AHR: variants seen among roughly 807,000 people sequenced by gnomAD.
AHR encodes aryl hydrocarbon receptor.
AHR carries 40 observed loss-of-function variants against 86.8 expected under a neutral mutation model. That is an observed-to-expected ratio of 0.46 (90% CI 0.36 to 0.60). The LOEUF (loss-of-function observed/expected upper bound fraction) is 0.60, where lower values mean the gene tolerates loss of function less well. Ranked by LOEUF, AHR falls within the 20% of genes least tolerant of loss-of-function variation. The probability of loss-of-function intolerance (pLI) is 0.00; values close to 1 mark genes in which losing one functional copy is unlikely to be tolerated. For synonymous variants in AHR, 398 were observed against 354.9 expected (o/e 1.12, Z -1.37); for missense variants, 1,001 against 1,011.6 (o/e 0.99, Z 0.14).
rs1021777751 is a variant in AHR, at chr7:17,346,121, AATAT to A, written c.*3061_*3064del. 3 of 152,472 alleles carry A rather than the reference AATAT, an allele frequency of 2.0e-5. No individual in the cohort carries two copies. Among genetic ancestry groups the A allele is most frequent in the African/African-American group, 7.2e-5 (3 of 41,446 alleles). The allele number at this position is 152,472 out of a possible 1,614,324, so 9.4% of individuals were successfully genotyped here. ...CCTCATTATCAAAGTTGTATACAATAATATATAATAAAATAACAAATATGAATAA... is the reference window on the plus strand; with the variant it reads ...CCTCATTATCAAAGTTGTATACAATAATAATAAAATAACAAATATGAATAA... On this transcript the variant is annotated 3_prime_UTR_variant, in exon 11 of 11. Coordinates refer to ENST00000242057, the MANE Select transcript of AHR (RefSeq NM_001621.5).
intron 3 of AHR, among the ~76,000 whole-genome samples, chr7:17,327,444 T>C (rs1191874992): frequency 2.6e-5 from 4 of 151,956 alleles, no homozygotes; most frequent in Admixed American, 6.6e-5. Context: ...CTATAGTGAA[T>C]GATGTCTAGT....
At position 17,330,811 on chromosome 7, in the gene AHR, A is replaced by G. The variant is rs1782280645; in HGVS notation, c.630A>G (p.Pro210=). ...GTTATAACCCAGACCAGATTCCTCC[A>G]GAAAACTCTCCTTTAATGGAGAGGT... ...VVCYNPDQIP[P]ENSPLMERCF... is the part of the protein sequence containing the mutation. The change falls in exon 6 of 11, where the codon CCA becomes CCG. Residue 210 remains proline (P), a synonymous_variant. Coordinates refer to ENST00000242057, the MANE Select transcript of AHR (RefSeq NM_001621.5). The G allele has an allele frequency of 6.2e-7, 1 of 1,612,480 alleles. No individual in the cohort carries two copies. Among genetic ancestry groups the G allele is most frequent in the Non-Finnish European group, 8.5e-7 (1 of 1,178,842 alleles).
chr7:17,331,695 T>C (rs1394313756), intron 6 of AHR, among the ~76,000 whole-genome samples: 1 of 151,972 alleles, frequency 6.6e-6, no homozygotes, highest in African/African-American at 2.4e-5. Flanking sequence ...TGCTGTTTTC[T>C]TGTTACAAAG....
intron 4 of AHR, 89 bp from the exon 5 acceptor site, chr7:17,329,863 A>G (rs772838987): frequency 6.0e-6 from 7 of 1,170,952 alleles, no homozygotes; most frequent in Non-Finnish European, 8.3e-6. Context: ...ACTAGCAAGC[A>G]CCCACTAATC....
rs1298270087 is a variant in AHR at position 17,339,012 on chromosome 7, G to A, written c.1187G>A (p.Arg396Gln). 3 of 1,613,660 alleles carry A rather than the reference G, an allele frequency of 1.9e-6. No individual in the cohort carries two copies. Among genetic ancestry groups the A allele is most frequent in the East Asian group, 2.2e-5 (1 of 44,864 alleles). The change falls in exon 10 of 11, where the codon CGA becomes CAA. Residue 396 changes from arginine (R) to glutamine (Q), a missense_variant. Arg to Gln is a conservative substitution (Grantham distance 43, BLOSUM62 1). Coordinates refer to ENST00000242057, the MANE Select transcript of AHR (RefSeq NM_001621.5). ...LTDEEGTEHL[R>Q]KRNTKLPFMF... ...GATGAGGAAGGAACAGAGCATTTAC[G>A]AAAACGAAATACGAAGTTGCCTTTT... is the stretch of plus-strand genomic sequence containing the variant.
At position 17,343,284 on chromosome 7, in the gene AHR, G is replaced by A. The variant is rs187812144; in HGVS notation, c.*220G>A. The A allele has an allele frequency of 1.2e-4, 70 of 564,586 alleles. No homozygotes were observed. The highest frequency in any genetic ancestry group is 1.8e-4 in the Non-Finnish European group (59 of 327,208). The allele number at this position is 564,586 out of a possible 1,614,324, so 35.0% of individuals were successfully genotyped here. On this transcript the variant is annotated 3_prime_UTR_variant, in exon 11 of 11. Coordinates refer to ENST00000242057, the MANE Select transcript of AHR (RefSeq NM_001621.5). Reference sequence around the variant, plus strand: ...ATACTACAGTCAAGATAGAAAGGGTGCTGCCACGGAGTGGTGAGGTACCGT... The same window carrying A: ...ATACTACAGTCAAGATAGAAAGGGTACTGCCACGGAGTGGTGAGGTACCGT...
chr7:17,339,548 A>G lies in AHR; in HGVS notation c.1723A>G (p.Ile575Val). Residue 575 changes from isoleucine to valine, a missense_variant, in exon 10 of 11, where the codon ATT becomes GTT. Around this residue, in one of 2 missense-constraint regions of AHR, gnomAD observed 607 missense variants for 543.1 expected, o/e 1.12. Transcript: ENST00000242057. ...DFSGEVDFRD[I>V]DLTDEILTYV... is the part of the protein sequence containing the mutation. Reference sequence around the variant, plus strand: ...TTCTGGTGAGGTTGACTTCAGAGACATTGACTTAACGGATGAAATCCTGAC... The same window carrying G: ...TTCTGGTGAGGTTGACTTCAGAGACGTTGACTTAACGGATGAAATCCTGAC... The G allele has an allele frequency of 1.9e-6, 3 of 1,614,220 alleles. No homozygotes were observed. The highest frequency in any genetic ancestry group is 1.1e-5 in the South Asian group (1 of 91,092).
At chr7:17,334,254 CT>C in intron 7 of AHR, 140 bp downstream of exon 7, 2 of 732,512 alleles carry the variant, frequency 2.7e-6, no homozygotes, top group Non-Finnish European at 4.3e-6. Context: ...CCAGTGTAGC[CT>C]TTTACAGTAA....
chr7:17,327,801 G>C lies in AHR; in HGVS notation c.403G>C (p.Val135Leu). 6.3e-7 allele frequency: 1 copy of C among 1,578,258 alleles called. No homozygotes were observed. The highest frequency in any genetic ancestry group is 1.2e-5 in the South Asian group (1 of 85,244). Residue 135 changes from valine to leucine, a missense_variant, in exon 4 of 11, where the codon GTC (valine) becomes CTC (leucine). Transcript: ENST00000242057. ...ATTAGTTGTCACTACAGATGCTTTG[G>C]TCTTTTATGCTTCTTCTACTATACA... is the stretch of plus-strand genomic sequence containing the variant. ...FVLVVTTDAL[V>L]FYASSTIQDY...
chr7:17,309,797 G>A (rs1782043280), intron 1 of AHR, 139 bp from the exon 2 acceptor site: 1 of 681,936 alleles, frequency 1.5e-6, no homozygotes, highest in South Asian at 3.7e-5. Context: ...GAAGATTTTA[G>A]AAAGACTTAC....
Position 17,299,081 on chromosome 7 carries a change from A to T in AHR, c.-184A>T, listed in dbSNP as rs1020191170. On this transcript the variant is annotated 5_prime_UTR_variant, in exon 1 of 11. Transcript: ENST00000242057. ...TCACCTGTACTGGCGCGGGCTGCGG[A>T]AGCCTGCGTGAGCCGAGGCGTTGAG... 3.4e-6 allele frequency: 2 copies of T among 590,688 alleles called. No homozygotes were observed. The highest frequency in any genetic ancestry group is 5.5e-6 in the Non-Finnish European group (2 of 363,236). The allele number at this position is 590,688 out of a possible 1,614,324, so 36.6% of individuals were successfully genotyped here. A position where few individuals can be genotyped will look rare whatever the true frequency, so the allele number is the denominator to read the frequency against.
At position 17,335,744 on chromosome 7, in the gene AHR, A is replaced by C. The variant is rs374246059; in HGVS notation, c.1118A>C (p.Asn373Thr). The change falls in exon 9 of 11, where the codon AAT becomes ACT. Residue 373 changes from asparagine to threonine, a missense_variant. Asn to Thr is a moderately conservative substitution (Grantham distance 65, BLOSUM62 0). Around this residue, in one of 2 missense-constraint regions of AHR, gnomAD observed 394 missense variants for 468.5 expected, o/e 0.84. Coordinates refer to ENST00000242057, the MANE Select transcript of AHR (RefSeq NM_001621.5). Reference protein sequence around the residue: ...VQSNARLLYKNGRPDYIIVTQ... With the variant: ...VQSNARLLYKTGRPDYIIVTQ... ...TCTAATGCACGCCTGCTTTATAAAAATGGAAGACCAGATTATATCATTGTA... is the reference window on the plus strand; with the variant it reads ...TCTAATGCACGCCTGCTTTATAAAACTGGAAGACCAGATTATATCATTGTA... 19 of 1,613,128 alleles carry C rather than the reference A, an allele frequency of 1.2e-5. No homozygotes were observed. The highest frequency in any genetic ancestry group is 1.6e-5 in the Non-Finnish European group (19 of 1,179,514).
At chr7:17,321,594 T>TACACACACACACACACAC (rs71309046) in intron 2 of AHR, among the ~76,000 whole-genome samples, 9 of 147,730 alleles carry the variant, frequency 6.1e-5, no homozygotes, top group African/African-American at 1.2e-4. Flanking sequence ...ACCACACACA[T>TACACACACACACACACAC]ACACACACAC....
At chr7:17,330,119 T>C (rs568069318) in intron 5 of AHR, 44 bp downstream of exon 5, 2 of 1,579,980 alleles carry the variant, frequency 1.3e-6, no homozygotes, top group East Asian at 2.2e-5. Flanking sequence ...AGTTTTTAAA[T>C]ATGAGTCTGT....
At chr7:17,305,901 A>G (rs1345572413) in intron 1 of AHR, among the ~76,000 whole-genome samples, 1 of 152,176 alleles carries the variant, frequency 6.6e-6, no homozygotes, top group Non-Finnish European at 1.5e-5. Context: ...CATTGGGCAT[A>G]CTGTTGGGCC....
In AHR at chr7:17,299,215, G is replaced by C; in HGVS notation, c.-50G>C. The C allele has an allele frequency of 1.3e-6, 2 of 1,592,650 alleles. No individual in the cohort carries two copies. Among genetic ancestry groups the C allele is most frequent in the Non-Finnish European group, 8.5e-7 (1 of 1,171,916 alleles). On this transcript the variant is annotated 5_prime_UTR_variant, in exon 1 of 11. Coordinates refer to ENST00000242057, the MANE Select transcript of AHR (RefSeq NM_001621.5). ...GTCCCAGCCTACACCGGGTTCCGGGGACCCGGCCGCCAGTGCCCGGGGAGT... is the reference window on the plus strand; with the variant it reads ...GTCCCAGCCTACACCGGGTTCCGGGCACCCGGCCGCCAGTGCCCGGGGAGT...
chr7:17,304,322 T>G lies in AHR; in HGVS notation c.65+4993T>G, dbSNP rs376500559. Reference sequence around the variant, plus strand: ...ATCACAATTTTGGATTATATACACATTAGTGTTGTATTATTTTTGACTGTA... The same window carrying G: ...ATCACAATTTTGGATTATATACACAGTAGTGTTGTATTATTTTTGACTGTA... On this transcript the variant is annotated intron_variant, in intron 1 of 10. Coordinates refer to ENST00000242057, the MANE Select transcript of AHR (RefSeq NM_001621.5). 2.6e-5 allele frequency among the ~76,000 whole-genome samples: 4 copies of G among 152,260 alleles called. No individual in the cohort carries two copies. The East Asian group carries it at 5.8e-4, about 22-fold the overall frequency.
In AHR at chr7:17,317,070, T is replaced by C. The variant is rs545795375; in HGVS notation, c.254-5431T>C. Among the ~76,000 whole-genome samples the C allele has an allele frequency of 2.6e-5, 4 of 151,654 alleles. No individual in the cohort carries two copies. The East Asian group carries it at 7.7e-4, about 29-fold the overall frequency. On this transcript the variant is annotated intron_variant, in intron 2 of 10. Coordinates refer to ENST00000242057, the MANE Select transcript of AHR (RefSeq NM_001621.5). ...GTTACTGTTATGGAAATCATAGTTATTTCCTGCAGAATCCTGATATTTCAC... is the reference window on the plus strand; with the variant it reads ...GTTACTGTTATGGAAATCATAGTTACTTCCTGCAGAATCCTGATATTTCAC...
At chr7:17,331,010 C>T in intron 6 of AHR, 124 bp downstream of exon 6, 10 of 894,766 alleles carry the variant, frequency 1.1e-5, no homozygotes, top group Non-Finnish European at 1.6e-5. Flanking sequence ...CCCTCAGAAC[C>T]AGAGAGCTTC....
Sources: allele counts gnomAD v4.1 joint callset (sites outside exome capture counted in the v4.1 genomes callset), GRCh38; gene constraint gnomAD v4.1.1; regional missense constraint gnomAD v4.1.1; transcripts MANE v1.5; gene names NCBI Gene and HGNC (gene_info 2026-07-23, HGNC 2026-07-21).